CYFIP1: variants seen among roughly 807,000 people sequenced by gnomAD.
CYFIP1 encodes the protein cytoplasmic FMR1-interacting protein 1.
In CYFIP1, 58 loss-of-function variants were observed where a neutral mutation model predicts 163.5. The ratio of observed to expected loss-of-function variants is 0.35; its 90% CI spans 0.29 to 0.44. CYFIP1 has a LOEUF of 0.44. CYFIP1 is among the 20% of genes least tolerant of loss of function. The pLI, the probability that CYFIP1 is intolerant of heterozygous loss-of-function variation, is 1.00. For missense variants in CYFIP1, 1,338 were observed against 1,653.8 expected (o/e 0.81, Z 3.31); for synonymous variants, 663 against 660.7 (o/e 1.00, Z -0.05).
chr15:22,949,005 G>GA (rs35396483), intron 1 of CYFIP1, among the ~76,000 whole-genome samples: 33,419 of 151,948 alleles, frequency 0.22, 4,183 homozygotes, highest in Middle Eastern at 0.35. Flanking sequence ...AAAAACAGCT[G>GA]AAAAAAATGA....
chr15:22,916,063 G>A (rs548665383), intron 16 of CYFIP1, among the ~76,000 whole-genome samples: 9 of 152,256 alleles, frequency 5.9e-5, no homozygotes, highest in East Asian at 5.8e-4. Context: ...ACCGGTGGCC[G>A]GTCAAGGTGG....
At chr15:22,882,399 G>A (rs1376235354) in intron 24 of CYFIP1, among the ~76,000 whole-genome samples, 2 of 152,234 alleles carry the variant, frequency 1.3e-5, no homozygotes, top group Non-Finnish European at 2.9e-5. Context: ...GACCTGTTTG[G>A]GTCACGGGCT....
chr15:22,888,648 C>G (rs2059987450), intron 23 of CYFIP1, among the ~76,000 whole-genome samples: 1 of 151,306 alleles, frequency 6.6e-6, no homozygotes. Flanking sequence ...AGGAGGATTG[C>G]TTGAGCCTGG....
intron 17 of CYFIP1, among the ~76,000 whole-genome samples, chr15:22,914,416 A>G (rs1204966729): frequency 1.3e-5 from 2 of 150,870 alleles, no homozygotes; most frequent in Non-Finnish European, 2.9e-5. Flanking sequence ...CCCAGGAAAC[A>G]TGATTTCTCT....
rs2061013970 is a variant in CYFIP1, at chr15:22,917,161, G to A, written c.1675-531C>T. 2 of 1,436,952 alleles carry A rather than the reference G, an allele frequency of 1.4e-6. No homozygotes were observed. The highest frequency in any genetic ancestry group is 2.9e-5 in the Admixed American group (1 of 34,904). 89.0% of individuals were successfully genotyped at this position (1,436,952 alleles called of 1,614,324 possible). On this transcript the variant is annotated intron_variant, in intron 15 of 30. Transcript: ENST00000617928. The surrounding 1 kb of genome is among the most constrained non-coding windows in gnomAD (Gnocchi z 4.2). ...TGGCTGGCACCACGCACAGGCCGAG[G>A]GCCGTCCCCCTGACCCTCCTGCAGA...
intron 1 of CYFIP1, among the ~76,000 whole-genome samples, chr15:22,958,044 GT>G (rs2140177316): frequency 6.6e-6 from 1 of 151,840 alleles, no homozygotes; most frequent in African/African-American, 2.4e-5. Context: ...ACAGTGCATA[GT>G]TAAAAACCAA....
At chr15:22,939,157 G>A (rs199639692) in intron 8 of CYFIP1, 35 bp downstream of exon 8, 139 of 1,613,322 alleles carry the variant, frequency 8.6e-5, no homozygotes, top group African/African-American at 4.3e-4. Flanking sequence ...GCTGTCCCTC[G>A]GCAGTGCCAC....
intron 12 of CYFIP1, among the ~76,000 whole-genome samples, chr15:22,926,704 C>T (rs2061368071): frequency 6.6e-6 from 1 of 152,076 alleles, no homozygotes; most frequent in South Asian, 2.1e-4. Flanking sequence ...ATGGCTGGAG[C>T]TCCAAAGAGA....
chr15:22,957,602 C>G (rs907595824), intron 1 of CYFIP1, among the ~76,000 whole-genome samples: 1 of 152,182 alleles, frequency 6.6e-6, no homozygotes, highest in South Asian at 2.1e-4. Context: ...TGTCACTGCA[C>G]TCCAGCCTGG....
intron 13 of CYFIP1, among the ~76,000 whole-genome samples, chr15:22,922,068 GA>G (rs142259581): frequency 0.066 from 10,034 of 152,188 alleles, 491 homozygotes; most frequent in Middle Eastern, 0.11. Context: ...AGGCTGGGGA[GA>G]ATGAAACTCC....
chr15:22,929,324 T>C (rs984863152), intron 11 of CYFIP1, among the ~76,000 whole-genome samples: 1 of 151,948 alleles, frequency 6.6e-6, no homozygotes, highest in African/African-American at 2.4e-5. Flanking sequence ...TTAGTAGTGC[T>C]GGCATTGCTC....
intron 8 of CYFIP1, among the ~76,000 whole-genome samples, chr15:22,938,146 C>T (rs2061775302): frequency 1.3e-5 from 2 of 152,230 alleles, no homozygotes. Flanking sequence ...AACAGCCGAA[C>T]TGCCGCCCAT....
At position 22,933,746 on chromosome 15, in the gene CYFIP1, C is replaced by T. The variant is rs1391147438; in HGVS notation, c.992+56G>A. The T allele has an allele frequency of 6.2e-6, 8 of 1,291,518 alleles. No individual in the cohort carries two copies. In the African/African-American group the frequency reaches 6.3e-5, roughly 10 times the overall value. The allele number at this position is 1,291,518 out of a possible 1,614,324, so 80.0% of individuals were successfully genotyped here. ...ACAAATAAGCAGGATGTTTGAAAAC[C>T]GCACAATGAGGACACTGCCGAAAGC... On this transcript the variant is annotated intron_variant, in intron 10 of 30. Transcript: ENST00000617928.
chr15:22,895,804 TA>T (rs1296019533), intron 22 of CYFIP1, among the ~76,000 whole-genome samples: 2 of 152,056 alleles, frequency 1.3e-5, no homozygotes, highest in Non-Finnish European at 2.9e-5. Flanking sequence ...GAAGCCCCAA[TA>T]AAAACTGAAC....
At chr15:22,878,570 G>A (rs1001820419) in intron 26 of CYFIP1, among the ~76,000 whole-genome samples, 3 of 151,598 alleles carry the variant, frequency 2.0e-5, no homozygotes, top group African/African-American at 7.3e-5. Context: ...AGAAGGCAAA[G>A]CTTCAAATCT....
intron 1 of CYFIP1, among the ~76,000 whole-genome samples, chr15:22,963,955 G>T (rs1197361399): frequency 6.6e-6 from 1 of 152,050 alleles, no homozygotes; most frequent in Admixed American, 6.6e-5. Context: ...TTGCAAAAGA[G>T]CTGGGTTTTG....
chr15:22,979,699 A>G (rs1297735979), intron 1 of CYFIP1, among the ~76,000 whole-genome samples: 1 of 152,170 alleles, frequency 6.6e-6, no homozygotes, highest in Admixed American at 6.5e-5. Flanking sequence ...TGCTTGTGCG[A>G]AACAGTGCTG....
intron 11 of CYFIP1, among the ~76,000 whole-genome samples, chr15:22,930,286 C>T (rs1332998238): frequency 6.8e-6 from 1 of 148,004 alleles, no homozygotes; most frequent in Non-Finnish European, 1.5e-5. Flanking sequence ...CCCAGCTACT[C>T]GGGAGGCTGA....
At chr15:22,930,400 A>C (rs533913221) in intron 11 of CYFIP1, among the ~76,000 whole-genome samples, 54 of 149,872 alleles carry the variant, frequency 3.6e-4, no homozygotes, top group African/African-American at 1.3e-3. Context: ...AAAAAAAAAA[A>C]AAAAAAAAAA....
Sources: gnomAD v4.1 joint callset for allele counts (sites outside exome capture counted in the v4.1 genomes callset) on GRCh38, gnomAD v4.1.1 for gene constraint, Gnocchi (gnomAD v3.1) non-coding constraint, MANE v1.5 for transcripts, NCBI Gene and HGNC (gene_info 2026-07-23, HGNC 2026-07-21) for gene names.